PCDHA8: variants seen among roughly 807,000 people sequenced by gnomAD.
PCDHA8 encodes protocadherin alpha 8, also known as protocadherin alpha-8.
In PCDHA8, 53 loss-of-function variants were observed where a neutral mutation model predicts 61.8. That is an observed-to-expected ratio of 0.86 (90% CI 0.69 to 1.08). The LOEUF (loss-of-function observed/expected upper bound fraction) is 1.08. PCDHA8 is among the 50% of genes least tolerant of loss of function. The pLI is 0.00. For synonymous variants in PCDHA8, 618 were observed against 556.6 expected (o/e 1.11, Z -1.55); for missense variants, 1,293 against 1,245.0 (o/e 1.04, Z -0.58).
At chr5:140,877,272 C>T in intron 1 of PCDHA8, 3 of 1,613,832 alleles carry the variant, frequency 1.9e-6, no homozygotes, top group Non-Finnish European at 2.5e-6. Flanking sequence ...TGGACGCTGA[C>T]TCCGGCTATA....
intron 1 of PCDHA8, chr5:140,877,686 G>T (rs1554169986): frequency 6.2e-7 from 1 of 1,613,818 alleles, no homozygotes; most frequent in Non-Finnish European, 8.5e-7. Flanking sequence ...GCAAGCCCAC[G>T]CTGGTGTGCT....
Position 140,848,697 on chromosome 5 carries a change from T to C in PCDHA8, c.2394+4982T>C. ...GGTGCCGCGCCTGTTCCAGTTGGAT[T>C]CCAAAGGCCGCGGGGACCTTCTGGA... On this transcript the variant is annotated intron_variant, in intron 1 of 3. Coordinates refer to ENST00000531613, the MANE Select transcript of PCDHA8 (RefSeq NM_018911.3). 11 of 1,592,356 alleles carry C rather than the reference T, an allele frequency of 6.9e-6. 1 individual carries two copies. The highest frequency in any genetic ancestry group is 9.5e-6 in the Non-Finnish European group (11 of 1,163,328).
rs1554149682 is a variant in PCDHA8, at chr5:140,857,224, T to C, written c.2394+13509T>C. ...TCACCTGCTCTCTGACGCCTCACGT[T>C]CCGTTCAAGCTGGTGTCCACCTACA... On this transcript the variant is annotated intron_variant, in intron 1 of 3. Transcript: ENST00000531613. 4 of 1,598,426 alleles carry C rather than the reference T, an allele frequency of 2.5e-6. 1 individual carries two copies. Among genetic ancestry groups the C allele is most frequent in the Non-Finnish European group, 3.4e-6 (4 of 1,167,908 alleles).
At chr5:140,928,309 G>C in intron 1 of PCDHA8, 1 of 1,614,124 alleles carries the variant, frequency 6.2e-7, no homozygotes, top group Non-Finnish European at 8.5e-7. Flanking sequence ...CCAGGACCCC[G>C]ACCTGGGGAA....
intron 1 of PCDHA8, among the ~76,000 whole-genome samples, chr5:140,945,069 A>G (rs550774069): frequency 6.6e-6 from 1 of 152,278 alleles, no homozygotes; most frequent in East Asian, 1.9e-4. Context: ...TACAGACTCC[A>G]CCAAAACACT....
At chr5:140,850,765 G>A (rs2150497510) in intron 1 of PCDHA8, 1 of 1,598,120 alleles carries the variant, frequency 6.3e-7, no homozygotes, top group Admixed American at 1.7e-5. Flanking sequence ...AGGAGGCAGA[G>A]GGTGTGCTCT....
rs781972089 is a variant in PCDHA8 at position 141,009,851 on chromosome 5, A to G, written c.2767A>G (p.Lys923Glu). 1 of 1,614,060 alleles carries G rather than the reference A, an allele frequency of 6.2e-7. No individual in the cohort carries two copies. Among genetic ancestry groups the G allele is most frequent in the Non-Finnish European group, 8.5e-7 (1 of 1,179,986 alleles). Residue 923 changes from lysine to glutamate, a missense_variant, in exon 4 of 4, where the codon AAG becomes GAG. Transcript: ENST00000531613. ...AACCTTCGGCAAAAAGGAGGAGACC[A>G]AGAAAAAGAAGAAAAAGAAGAAGGG... is the stretch of plus-strand genomic sequence containing the variant. ...FITFGKKEETKKKKKKKKGNK... is the reference protein window; with the variant it reads ...FITFGKKEETEKKKKKKKGNK...
intron 1 of PCDHA8, among the ~76,000 whole-genome samples, chr5:140,950,918 G>C (rs1229704497): frequency 6.6e-6 from 1 of 151,584 alleles, no homozygotes; most frequent in African/African-American, 2.4e-5. Context: ...TTTTATTTCA[G>C]TTCTTTTTCT....
intron 3 of PCDHA8, among the ~76,000 whole-genome samples, chr5:140,998,396 T>A (rs2097810780): frequency 6.6e-6 from 1 of 152,212 alleles, no homozygotes. Flanking sequence ...ATGCCATCTT[T>A]ATGCCAAAGT....
At chr5:140,926,829 G>A in intron 1 of PCDHA8, 1 of 1,501,192 alleles carries the variant, frequency 6.7e-7, no homozygotes, top group Middle Eastern at 2.1e-4. Context: ...CCAGGAGTCC[G>A]GAGCATGGTC....
At chr5:140,863,693 C>G (rs2048122696) in intron 1 of PCDHA8, 2 of 301,444 alleles carry the variant, frequency 6.6e-6, no homozygotes, top group African/African-American at 2.2e-5. Flanking sequence ...TTTTGAGATG[C>G]TTTATTTAAA....
At chr5:140,871,658 C>G in intron 1 of PCDHA8, 2 of 1,224,216 alleles carry the variant, frequency 1.6e-6, no homozygotes, top group Non-Finnish European at 2.2e-6. Context: ...TGATACACAT[C>G]TTCAGTCTTT....
At position 140,841,888 on chromosome 5, in the gene PCDHA8, T is replaced by A. The variant is rs2150324867; in HGVS notation, c.567T>A (p.Asn189Lys). The A allele has an allele frequency of 1.2e-6, 2 of 1,613,782 alleles. No individual in the cohort carries two copies. Among genetic ancestry groups the A allele is most frequent in the Non-Finnish European group, 1.7e-6 (2 of 1,179,818 alleles). ...MLDVNSKNDE[N>K]KLVELVLRKS... ...ATGTGAATTCAAAGAACGATGAGAA[T>A]AAACTGGTTGAGCTCGTATTAAGAA... Residue 189 changes from asparagine (N) to lysine (K), a missense_variant, in exon 1 of 4, where the codon AAT becomes AAA. Physicochemically the swap from Asn to Lys is moderately conservative, Grantham distance 94. Coordinates refer to ENST00000531613, the MANE Select transcript of PCDHA8 (RefSeq NM_018911.3).
In PCDHA8 at chr5:140,843,826, A is replaced by G. The variant is rs2150366949; in HGVS notation, c.2394+111A>G. ...CGTATTTTATAGTGAAAATTTAAAC[A>G]TTGTTTAGTTTTTAGAAACCTTTTA... On this transcript the variant is annotated intron_variant, in intron 1 of 3. Coordinates refer to ENST00000531613, the MANE Select transcript of PCDHA8 (RefSeq NM_018911.3). 117 of 1,185,698 alleles carry G rather than the reference A, an allele frequency of 9.9e-5. 4 individuals carry two copies. The African/African-American group carries it at 1.7e-3, about 17-fold the overall frequency. 73.4% of individuals were successfully genotyped at this position (1,185,698 alleles called of 1,614,324 possible). A position where few individuals can be genotyped will look rare whatever the true frequency, so the allele number is the denominator to read the frequency against.
intron 1 of PCDHA8, chr5:140,851,823 G>GT (rs1343370929): frequency 9.3e-6 from 9 of 962,984 alleles, no homozygotes; most frequent in South Asian, 4.8e-5. Context: ...ACAGAAATCT[G>GT]TTTTTTTAAA....
chr5:140,842,487 T>G lies in PCDHA8; in HGVS notation c.1166T>G (p.Leu389Arg). Reference protein sequence around the residue: ...SGANGQVTCSLMPHVPFKLVS... With the variant: ...SGANGQVTCSRMPHVPFKLVS... ...GCCAACGGGCAGGTGACCTGCTCCC[T>G]GATGCCCCATGTCCCCTTCAAGCTG... is the stretch of plus-strand genomic sequence containing the variant. The change falls in exon 1 of 4, where the codon CTG (leucine) becomes CGG (arginine). Residue 389 changes from leucine to arginine, a missense_variant. Transcript: ENST00000531613. The G allele has an allele frequency of 1.9e-6, 3 of 1,613,936 alleles. No individual in the cohort carries two copies. Among genetic ancestry groups the G allele is most frequent in the Non-Finnish European group, 2.5e-6 (3 of 1,179,850 alleles).
rs868923213 is a variant in PCDHA8 at position 140,920,059 on chromosome 5, G to C, written c.2395-58890G>C. 3.9e-5 allele frequency among the ~76,000 whole-genome samples: 6 copies of C among 152,144 alleles called. No individual in the cohort carries two copies. The South Asian group carries it at 6.2e-4, about 16-fold the overall frequency. The stretch of plus-strand genomic sequence containing the variant: ...GTGATGTCAACAGCCACCAACACCT[G>C]GAAAAGGCAGAAACAGATTCTCCGT... On this transcript the variant is annotated intron_variant, in intron 1 of 3. Transcript: ENST00000531613.
intron 3 of PCDHA8, 32 bp from the exon 4 acceptor site, chr5:141,009,595 C>A (rs781807814): frequency 6.2e-7 from 1 of 1,604,124 alleles, no homozygotes; most frequent in African/African-American, 1.3e-5. Context: ...TGTGTTGACC[C>A]TGTTAATGAT....
chr5:140,974,832 T>C (rs114216401), intron 1 of PCDHA8, among the ~76,000 whole-genome samples: 60 of 152,346 alleles, frequency 3.9e-4, no homozygotes, highest in African/African-American at 1.4e-3. Context: ...ATAATGATTA[T>C]TTTAAATGTT....
Sources: allele counts gnomAD v4.1 joint callset (sites outside exome capture counted in the v4.1 genomes callset), GRCh38; gene constraint gnomAD v4.1.1; transcripts MANE v1.5; gene names NCBI Gene and HGNC (gene_info 2026-07-23, HGNC 2026-07-21).